MYOM1: variants seen among roughly 807,000 people sequenced by gnomAD.
The protein encoded by MYOM1 is myomesin-1.
A neutral mutation model predicts 205.3 loss-of-function variants in MYOM1; 164 were observed. That is an observed-to-expected ratio of 0.80 (90% confidence interval 0.70 to 0.91). The LOEUF is 0.91. Among genes scored for constraint, MYOM1 ranks in the 40% least tolerant of loss-of-function variants. The pLI, the probability that MYOM1 is intolerant of heterozygous loss-of-function variation, is 0.00. For missense variants in MYOM1, 2,011 were observed against 2,127.3 expected, an observed-to-expected ratio of 0.95 and a Z score of 1.08; for synonymous variants, 772 against 789.4, an observed-to-expected ratio of 0.98 and a Z score of 0.37.
intron 29 of MYOM1, among the ~76,000 whole-genome samples, chr18:3,087,595 T>G (rs1026690684): frequency 1.3e-5 from 2 of 151,504 alleles, no homozygotes; most frequent in South Asian, 4.2e-4. Context: ...GTTCAAGTGA[T>G]TCTCCTGCCT....
At chr18:3,244,511 T>A in the MYOM1 span, among the ~76,000 whole-genome samples, 1 of 152,160 alleles carries the variant, frequency 6.6e-6, no homozygotes, top group South Asian at 2.1e-4. Flanking sequence ...CCCAGCCATT[T>A]GGGAGGCACA....
At chr18:3,140,971 T>C (rs2080039864) in intron 14 of MYOM1, among the ~76,000 whole-genome samples, 1 of 152,236 alleles carries the variant, frequency 6.6e-6, no homozygotes, top group Admixed American at 6.5e-5. Context: ...ACATATGGGA[T>C]AAAATAAACT....
chr18:3,240,148 GTAATT>G, the MYOM1 span, among the ~76,000 whole-genome samples: 3 of 152,178 alleles, frequency 2.0e-5, no homozygotes, highest in South Asian at 6.2e-4. Flanking sequence ...TTTAGTAAAT[GTAATT>G]TAATCACTAC....
At chr18:3,224,944 C>T (rs1417553208), upstream of MYOM1, among the ~76,000 whole-genome samples, 1 of 152,012 alleles carries the variant, frequency 6.6e-6, no homozygotes, top group African/African-American at 2.4e-5. Context: ...GGATTACAGG[C>T]GTGAGCCACC....
At chr18:3,193,359 T>TACACACACACAC (rs536189289) in intron 3 of MYOM1, among the ~76,000 whole-genome samples, 6,761 of 119,062 alleles carry the variant, frequency 0.057, 222 homozygotes, top group African/African-American at 0.077. Context: ...TATATATATA[T>TACACACACACAC]ATACACACAC....
the MYOM1 span, among the ~76,000 whole-genome samples, chr18:3,238,136 T>C: frequency 6.6e-6 from 1 of 152,214 alleles, no homozygotes; most frequent in Admixed American, 6.5e-5. Context: ...CTTGTTCTCC[T>C]ACAACTGGAC....
chr18:3,204,290 C>A (rs1287414982), intron 2 of MYOM1, among the ~76,000 whole-genome samples: 1 of 151,870 alleles, frequency 6.6e-6, no homozygotes, highest in African/African-American at 2.4e-5. Flanking sequence ...GTAAATCTAC[C>A]TTTTGTTACA....
rs114640688 is a variant in MYOM1 at position 3,194,445 on chromosome 18, C to T, written c.291-487G>A. Among the ~76,000 whole-genome samples the T allele has an allele frequency of 6.5e-3, 989 of 152,214 alleles. 8 individuals are homozygous for T. Among genetic ancestry groups the T allele is most frequent in the Middle Eastern group, 0.024 (7 of 294 alleles). Reference sequence around the variant, plus strand: ...TAGGCAACTCCTGCCTTTGAAGGGACGTGGGGCTTATTAAATGATAGAGTT... The same window carrying T: ...TAGGCAACTCCTGCCTTTGAAGGGATGTGGGGCTTATTAAATGATAGAGTT... On this transcript the variant is annotated intron_variant, in intron 2 of 37. Transcript: ENST00000356443.
chr18:3,177,445 CATTATTATTATTATTATTATT>C (rs138933689), intron 5 of MYOM1, among the ~76,000 whole-genome samples: 5 of 139,260 alleles, frequency 3.6e-5, no homozygotes, highest in Non-Finnish European at 6.1e-5. Context: ...GAAGCAATAT[CATTATTATTATTATTATTATT>C]ATTATTATTA....
chr18:3,217,629 G>T (rs1173453494), intron 1 of MYOM1, among the ~76,000 whole-genome samples: 1 of 152,114 alleles, frequency 6.6e-6, no homozygotes, highest in African/African-American at 2.4e-5. Context: ...GAAAATAGGT[G>T]AGAACCATTG....
At chr18:3,116,213 G>C in intron 21 of MYOM1, 118 bp downstream of exon 21, 1 of 1,075,180 alleles carries the variant, frequency 9.3e-7, no homozygotes, top group Admixed American at 2.6e-5. Flanking sequence ...AATCTTACCA[G>C]GAGCCCAATA....
At chr18:3,161,019 C>G (rs111651454) in intron 10 of MYOM1, among the ~76,000 whole-genome samples, 2,135 of 152,278 alleles carry the variant, frequency 0.014, 27 homozygotes, top group Non-Finnish European at 0.019. Flanking sequence ...GCGATGTTCT[C>G]TGGCTCTAGT....
At position 3,067,034 on chromosome 18, in the gene MYOM1, A is replaced by G; in HGVS notation, c.*228T>C. The G allele has an allele frequency of 1.8e-6, 1 of 542,160 alleles. No individual in the cohort carries two copies. 33.6% of individuals were successfully genotyped at this position (542,160 alleles called of 1,614,324 possible). ...AGTCTTCTCCTTAAAACTGTTTCCTAATCTTCATGCTATGAATGGTATTTT... is the reference window on the plus strand; with the variant it reads ...AGTCTTCTCCTTAAAACTGTTTCCTGATCTTCATGCTATGAATGGTATTTT... On this transcript the variant is annotated 3_prime_UTR_variant, in exon 38 of 38. Coordinates refer to ENST00000356443, the MANE Select transcript of MYOM1 (RefSeq NM_003803.4).
intron 14 of MYOM1, among the ~76,000 whole-genome samples, chr18:3,141,321 T>C (rs979392791): frequency 2.0e-5 from 3 of 152,194 alleles, no homozygotes; most frequent in African/African-American, 7.2e-5. Flanking sequence ...TGGGCCTTCA[T>C]TGCATGCTGT....
At position 3,197,545 on chromosome 18, in the gene MYOM1, A is replaced by C. The variant is rs377089589; in HGVS notation, c.291-3587T>G. Reference sequence around the variant, plus strand: ...TTTATGAAACATTCAATCAATAGAAAAATACTAAAGACCACACTTGATTTT... The same window carrying C: ...TTTATGAAACATTCAATCAATAGAACAATACTAAAGACCACACTTGATTTT... On this transcript the variant is annotated intron_variant, in intron 2 of 37. Transcript: ENST00000356443. 2.6e-5 allele frequency among the ~76,000 whole-genome samples: 4 copies of C among 152,224 alleles called. No homozygotes were observed. The East Asian group carries it at 5.8e-4, about 22-fold the overall frequency.
At chr18:3,200,354 A>G (rs974627784) in intron 2 of MYOM1, among the ~76,000 whole-genome samples, 1 of 152,218 alleles carries the variant, frequency 6.6e-6, no homozygotes, top group African/African-American at 2.4e-5. Flanking sequence ...TGTAACCCAC[A>G]CCAATGGGAA....
At chr18:3,197,652 T>C (rs919500892) in intron 2 of MYOM1, among the ~76,000 whole-genome samples, 1 of 151,880 alleles carries the variant, frequency 6.6e-6, no homozygotes, top group Non-Finnish European at 1.5e-5. Flanking sequence ...GGCGGGCGGA[T>C]CACGAGGTCA....
At position 3,079,926 on chromosome 18, in the gene MYOM1, TGA is replaced by T. The variant is rs759501361; in HGVS notation, c.4485-586_4485-585del. On this transcript the variant is annotated intron_variant, in intron 33 of 37. Coordinates refer to ENST00000356443, the MANE Select transcript of MYOM1 (RefSeq NM_003803.4). ...GAGGCATGTTCTCTGTCCCGGGATG[TGA>T]GTTTCTCAGAATTCTACAGTAGGTC... Among the ~76,000 whole-genome samples, 79 of 152,198 alleles carry T rather than the reference TGA, an allele frequency of 5.2e-4. 1 individual carries two copies. The highest frequency in any genetic ancestry group is 9.2e-4 in the Admixed American group (14 of 15,286).
At chr18:3,183,250 G>A (rs938625105) in intron 5 of MYOM1, among the ~76,000 whole-genome samples, 2 of 152,172 alleles carry the variant, frequency 1.3e-5, no homozygotes, top group South Asian at 2.1e-4. Context: ...TTTCTACCGA[G>A]GCCAGTGCTT....
Sources: gnomAD v4.1 joint callset for allele counts (sites outside exome capture counted in the v4.1 genomes callset) on GRCh38, gnomAD v4.1.1 for gene constraint, MANE v1.5 for transcripts, NCBI Gene and HGNC (gene_info 2026-07-23, HGNC 2026-07-21) for gene names.